The following RTN4 variants were observed in gnomAD, a reference collection of about 807,000 sequenced individuals.
RTN4 encodes the protein reticulon 4, also known as reticulon-4.
Under a neutral mutation model 90.4 loss-of-function variants are expected in RTN4, and 32 were observed. That is an observed-to-expected ratio of 0.35 (90% CI 0.27 to 0.48). The LOEUF is 0.48. Ranked by LOEUF, RTN4 falls within the 20% of genes least tolerant of loss-of-function variation. RTN4 has a pLI of 0.99. For synonymous variants in RTN4, 629 were observed against 552.5 expected (o/e 1.14, Z -1.94); for missense variants, 1,706 against 1,430.2 (o/e 1.19, Z -3.11).
At chr2:55,031,755 T>C (rs1286899854) in intron 1 of RTN4, among the ~76,000 whole-genome samples, 1 of 152,158 alleles carries the variant, frequency 6.6e-6, no homozygotes, top group Non-Finnish European at 1.5e-5. Flanking sequence ...TTCTGTGCTG[T>C]CTATAACTAC....
intron 2 of RTN4, among the ~76,000 whole-genome samples, chr2:55,079,126 T>C (rs1019376329): frequency 3.3e-5 from 5 of 152,090 alleles, no homozygotes; most frequent in African/African-American, 1.2e-4. Context: ...GAATCTAGGA[T>C]TTGGCAACTG....
intron 3 of RTN4, among the ~76,000 whole-genome samples, chr2:54,999,765 G>C (rs1679721035): frequency 6.6e-6 from 1 of 152,006 alleles, no homozygotes; most frequent in African/African-American, 2.4e-5. Context: ...AAAGTAATTA[G>C]AATTCAGAAT....
chr2:54,974,531 T>C (rs1314819030), intron 6 of RTN4, among the ~76,000 whole-genome samples, 164 bp downstream of exon 6: 2 of 152,366 alleles, frequency 1.3e-5, no homozygotes, highest in East Asian at 3.9e-4. Context: ...TCCGCCCACC[T>C]TGGCCTCCCA....
At chr2:55,114,322 G>T (rs953775526), upstream of RTN4, among the ~76,000 whole-genome samples, 8 of 152,176 alleles carry the variant, frequency 5.3e-5, no homozygotes, top group Admixed American at 2.6e-4. Flanking sequence ...AGTCAGCAAA[G>T]GAGAAACTCA....
intron 1 of RTN4, among the ~76,000 whole-genome samples, chr2:55,088,839 A>G (rs1668887406): frequency 6.6e-6 from 1 of 152,326 alleles, no homozygotes; most frequent in African/African-American, 2.4e-5. Context: ...TTAATTAGGA[A>G]GGGCTCCTCA....
At chr2:55,089,740 A>C (rs1460365819) in intron 1 of RTN4, among the ~76,000 whole-genome samples, 3 of 152,226 alleles carry the variant, frequency 2.0e-5, no homozygotes, top group Admixed American at 2.0e-4. Flanking sequence ...GCCATTCTAC[A>C]AATTGCCTTC....
the RTN4 span, among the ~76,000 whole-genome samples, chr2:55,134,030 G>C: frequency 2.0e-5 from 3 of 152,184 alleles, no homozygotes; most frequent in African/African-American, 7.2e-5. Flanking sequence ...TGGGAAAGGG[G>C]TGGGGAATTT....
the RTN4 span, among the ~76,000 whole-genome samples, chr2:55,122,549 C>G: frequency 6.6e-6 from 1 of 152,134 alleles, no homozygotes; most frequent in Admixed American, 6.5e-5. Context: ...TTGTAAGTGA[C>G]GTCTGATGAG....
intron 2 of RTN4, among the ~76,000 whole-genome samples, chr2:55,064,016 T>A (rs1219432441): frequency 6.6e-6 from 1 of 151,934 alleles, no homozygotes; most frequent in East Asian, 1.9e-4. Context: ...AGGCCAGGAT[T>A]TCAAGACAAA....
In RTN4 at chr2:55,045,663, A is replaced by AT. The variant is rs745358965; in HGVS notation, c.556+4081_556+4082insA. On this transcript the variant is annotated intron_variant, in intron 1 of 8. Transcript: ENST00000337526. ...ACTTTAGAAACAACAATTAAAAAAAACAATTTTGGTTTCATAATATAAATT... is the reference window on the plus strand; with the variant it reads ...ACTTTAGAAACAACAATTAAAAAAAATCAATTTTGGTTTCATAATATAAATT... 2.0e-3 allele frequency among the ~76,000 whole-genome samples: 302 copies of AT among 152,378 alleles called. 2 individuals are homozygous for AT. The highest frequency in any genetic ancestry group is 3.2e-3 in the Non-Finnish European group (221 of 68,028).
intron 1 of RTN4, among the ~76,000 whole-genome samples, chr2:55,046,643 G>A (rs976175050): frequency 2.6e-5 from 4 of 152,264 alleles, no homozygotes; most frequent in Admixed American, 1.3e-4. Flanking sequence ...CCAAGGGGGA[G>A]CATGTGTCTT....
intron 1 of RTN4, among the ~76,000 whole-genome samples, chr2:55,096,207 T>G (rs1439236747): frequency 6.6e-6 from 1 of 151,898 alleles, no homozygotes; most frequent in African/African-American, 2.4e-5. Context: ...ATGCCTGTAA[T>G]CCCAGGTACT....
In RTN4 at chr2:55,035,625, T is replaced by TA. The variant is rs375331078; in HGVS notation, c.557-7406dup. On this transcript the variant is annotated intron_variant, in intron 1 of 8. Coordinates refer to ENST00000337526, the MANE Select transcript of RTN4 (RefSeq NM_020532.5). ...CAGAAACCAATGATAGAAAACAGAT[T>TA]AAAAAAAAAAATCAATGAAACAAAA... Among the ~76,000 whole-genome samples, 1,161 of 144,470 alleles carry TA rather than the reference T, an allele frequency of 8.0e-3. 6 individuals are homozygous for TA. The highest frequency in any genetic ancestry group is 0.011 in the Non-Finnish European group (697 of 65,266). 94.8% of individuals were successfully genotyped at this position (144,470 alleles called of 152,430 possible).
chr2:55,110,776 C>T (rs999906678), intron 1 of RTN4, among the ~76,000 whole-genome samples: 1 of 152,252 alleles, frequency 6.6e-6, no homozygotes, highest in Non-Finnish European at 1.5e-5. Flanking sequence ...CACGGTAGCT[C>T]ATGCCTATAA....
At chr2:55,095,341 C>CA (rs1400122110) in intron 1 of RTN4, among the ~76,000 whole-genome samples, 23 of 151,616 alleles carry the variant, frequency 1.5e-4, no homozygotes, top group African/African-American at 5.3e-4. Context: ...AAAACACAGA[C>CA]AAAAAAACCC....
At chr2:55,131,417 C>T in the RTN4 span, among the ~76,000 whole-genome samples, 4,919 of 23,564 alleles carry the variant, frequency 0.21, 261 homozygotes, top group African/African-American at 0.45. Flanking sequence ...CCATGTTGCC[C>T]AGGCTGGTCC....
At chr2:55,098,168 T>G (rs1483718684) in intron 1 of RTN4, among the ~76,000 whole-genome samples, 1 of 152,104 alleles carries the variant, frequency 6.6e-6, no homozygotes, top group Non-Finnish European at 1.5e-5. Context: ...TTTCACCTGT[T>G]AGAGGCAGAA....
chr2:54,990,532 T>C (rs1357552971), intron 3 of RTN4, among the ~76,000 whole-genome samples: 3 of 152,236 alleles, frequency 2.0e-5, no homozygotes, highest in Non-Finnish European at 1.5e-5. Context: ...TGCTATTTGT[T>C]GCTGTTATTA....
At chr2:55,098,998 T>C (rs1667803368) in intron 1 of RTN4, among the ~76,000 whole-genome samples, 1 of 152,162 alleles carries the variant, frequency 6.6e-6, no homozygotes, top group Non-Finnish European at 1.5e-5. Context: ...AGGAGGTCCG[T>C]ACTGTTTGGT....
Sources: allele counts gnomAD v4.1 joint callset (sites outside exome capture counted in the v4.1 genomes callset), GRCh38; gene constraint gnomAD v4.1.1; transcripts MANE v1.5; gene names NCBI Gene and HGNC (gene_info 2026-07-23, HGNC 2026-07-21).